The following PCDHA11 variants were observed in gnomAD, a reference collection of about 807,000 sequenced individuals.
PCDHA11 encodes the protein protocadherin alpha 11.
PCDHA11 carries 61 observed loss-of-function variants against 70.3 expected under a neutral mutation model. The ratio of observed to expected loss-of-function variants is 0.87; its 90% CI spans 0.71 to 1.07. The LOEUF (loss-of-function observed/expected upper bound fraction) is 1.07. Ranked by LOEUF, PCDHA11 falls within the 50% of genes least tolerant of loss-of-function variation. The probability of loss-of-function intolerance (pLI) is 0.00; values close to 1 mark genes in which losing one functional copy is unlikely to be tolerated. For missense variants in PCDHA11, 1,324 were observed against 1,237.5 expected (o/e 1.07, Z -1.05); for synonymous variants, 633 against 555.1 (o/e 1.14, Z -1.97).
chr5:140,876,206 C>A, intron 1 of PCDHA11: 1 of 1,613,864 alleles, frequency 6.2e-7, no homozygotes, highest in Non-Finnish European at 8.5e-7. Flanking sequence ...TTTGATAAGC[C>A]CAGCTATAAA....
At chr5:140,882,482 G>C (rs200256955) in intron 1 of PCDHA11, 38 of 1,613,930 alleles carry the variant, frequency 2.4e-5, no homozygotes, top group Admixed American at 8.3e-5. Flanking sequence ...CAAAAGACAC[G>C]GGGACCTTCT....
At chr5:140,977,813 C>T (rs1347788650) in intron 1 of PCDHA11, among the ~76,000 whole-genome samples, 1 of 152,192 alleles carries the variant, frequency 6.6e-6, no homozygotes, top group Non-Finnish European at 1.5e-5. Flanking sequence ...GAATTATTGA[C>T]AGTTTTGAAT....
At chr5:140,987,944 T>C (rs910006070) in intron 3 of PCDHA11, among the ~76,000 whole-genome samples, 11 of 152,186 alleles carry the variant, frequency 7.2e-5, no homozygotes, top group African/African-American at 2.7e-4. Context: ...CTTACCTGTC[T>C]GACAAAACCA....
chr5:140,981,456 C>G (rs2096933076), intron 2 of PCDHA11, among the ~76,000 whole-genome samples: 1 of 152,054 alleles, frequency 6.6e-6, no homozygotes, highest in African/African-American at 2.4e-5. Flanking sequence ...TGCCTGTAGT[C>G]CCAGCTACTT....
intron 1 of PCDHA11, chr5:140,928,995 C>T (rs1554206548): frequency 1.2e-6 from 2 of 1,613,798 alleles, no homozygotes; most frequent in Non-Finnish European, 1.7e-6. Flanking sequence ...GCTTACTTTT[C>T]TTCGTGTGTA....
intron 1 of PCDHA11, chr5:140,877,954 T>C: frequency 7.5e-7 from 1 of 1,334,236 alleles, no homozygotes; most frequent in Non-Finnish European, 9.8e-7. Context: ...ATCGAATGTC[T>C]CATCTTTCTT....
intron 1 of PCDHA11, chr5:140,968,417 G>T (rs1459159857): frequency 3.7e-6 from 6 of 1,614,036 alleles, no homozygotes; most frequent in Non-Finnish European, 5.1e-6. Flanking sequence ...GACTGTGGAG[G>T]CTCAGGACAA....
chr5:140,967,927 C>T (rs782426020), intron 1 of PCDHA11: 3 of 1,614,228 alleles, frequency 1.9e-6, no homozygotes, highest in Non-Finnish European at 2.5e-6. Context: ...TGGCCGTTCT[C>T]AGTGTCAATG....
intron 1 of PCDHA11, chr5:140,876,023 C>CA: frequency 1.9e-6 from 3 of 1,612,330 alleles, no homozygotes; most frequent in Non-Finnish European, 2.5e-6. Context: ...AAAATAAAAA[C>CA]AAAAAAAGAT....
At chr5:140,924,187 G>A (rs1238020963) in intron 1 of PCDHA11, among the ~76,000 whole-genome samples, 1 of 152,220 alleles carries the variant, frequency 6.6e-6, no homozygotes, top group Non-Finnish European at 1.5e-5. Flanking sequence ...CAGAAAATTA[G>A]TTTTGGTTTA....
chr5:141,010,949 C>T lies in PCDHA11; in HGVS notation c.*1012C>T, dbSNP rs1554263219. The T allele has an allele frequency of 6.5e-6, 1 of 153,762 alleles. No individual in the cohort carries two copies. Among genetic ancestry groups the T allele is most frequent in the African/African-American group, 2.4e-5 (1 of 41,442 alleles). 9.5% of individuals were successfully genotyped at this position (153,762 alleles called of 1,614,324 possible). On this transcript the variant is annotated 3_prime_UTR_variant, in exon 4 of 4. Transcript: ENST00000398640. ...TTCAGTCTACAGCCATTTAAATGAT[C>T]ATTGCTGCTACAGAAGTGCTTTAAG...
At chr5:140,905,986 T>G (rs2072268646) in intron 1 of PCDHA11, among the ~76,000 whole-genome samples, 1 of 152,198 alleles carries the variant, frequency 6.6e-6, no homozygotes, top group Non-Finnish European at 1.5e-5. Flanking sequence ...GGGAGAAAGA[T>G]GTAGGCTGGG....
chr5:140,968,702 A>G, intron 1 of PCDHA11: 3 of 1,614,178 alleles, frequency 1.9e-6, no homozygotes, highest in Non-Finnish European at 2.5e-6. Flanking sequence ...TAGGACTACC[A>G]GGAAGATGGG....
chr5:140,908,430 C>T (rs543426512), intron 1 of PCDHA11, among the ~76,000 whole-genome samples: 56 of 152,262 alleles, frequency 3.7e-4, no homozygotes, highest in Admixed American at 7.2e-4. Flanking sequence ...TGCTGCTGTG[C>T]GCACCCCACT....
At chr5:140,884,378 A>G (rs781954919) in intron 1 of PCDHA11, 3 of 1,613,952 alleles carry the variant, frequency 1.9e-6, no homozygotes, top group Non-Finnish European at 2.5e-6. Flanking sequence ...GATCATTGCC[A>G]TCTGCGCGGT....
At chr5:140,992,186 A>G (rs1436291226) in intron 3 of PCDHA11, among the ~76,000 whole-genome samples, 1 of 152,166 alleles carries the variant, frequency 6.6e-6, no homozygotes, top group East Asian at 1.9e-4. Context: ...TCATGCTTTC[A>G]GTGATCTATC....
Position 140,879,462 on chromosome 5 carries a change from G to A in PCDHA11, c.2391+7968G>A, listed in dbSNP as rs927340529. 2.0e-5 allele frequency among the ~76,000 whole-genome samples: 3 copies of A among 152,180 alleles called. No individual in the cohort carries two copies. The South Asian group carries it at 6.2e-4, about 32-fold the overall frequency. ...AAAATGTTACTTTGAAGTCCTAAGAGAATACCGTTGTGATTGGAAATATGG... is the reference window on the plus strand; with the variant it reads ...AAAATGTTACTTTGAAGTCCTAAGAAAATACCGTTGTGATTGGAAATATGG... On this transcript the variant is annotated intron_variant, in intron 1 of 3. Coordinates refer to ENST00000398640, the MANE Select transcript of PCDHA11 (RefSeq NM_018902.5).
In PCDHA11 at chr5:140,870,657, G is replaced by A. The variant is rs782619046; in HGVS notation, c.1554G>A (p.Ala518=). The change falls in exon 1 of 4, where the codon GCG becomes GCA. Residue 518 remains alanine (A), a synonymous_variant. Transcript: ENST00000398640. ...ACGCGGAGAGCGGCAAGGTGTACGC[G>A]CTGCAGCCGTTGGACCACGAGGAGC... The part of the protein sequence containing the change: ...SVHAESGKVY[A]LQPLDHEELE... 6.2e-7 allele frequency: 1 copy of A among 1,612,514 alleles called. No individual in the cohort carries two copies. Among genetic ancestry groups the A allele is most frequent in the East Asian group, 2.2e-5 (1 of 44,870 alleles).
intron 1 of PCDHA11, chr5:140,876,681 T>C: frequency 2.5e-6 from 4 of 1,614,180 alleles, no homozygotes; most frequent in South Asian, 1.1e-5. Flanking sequence ...CCTACAAGAA[T>C]TACTACTCGT....
Sources: gnomAD v4.1 joint callset for allele counts (sites outside exome capture counted in the v4.1 genomes callset) on GRCh38, gnomAD v4.1.1 for gene constraint, MANE v1.5 for transcripts, NCBI Gene and HGNC (gene_info 2026-07-23, HGNC 2026-07-21) for gene names.